SH3D19: variants seen among roughly 807,000 people sequenced by gnomAD.
The protein encoded by SH3D19 is SH3 domain containing 19.
Under a neutral mutation model 112.1 loss-of-function variants are expected in SH3D19, and 58 were observed. The observed-to-expected ratio is 0.52, with a 90% CI of 0.42 to 0.64. The LOEUF (loss-of-function observed/expected upper bound fraction) is 0.64, where lower values mean the gene tolerates loss of function less well. Among genes scored for constraint, SH3D19 ranks in the 30% least tolerant of loss-of-function variants. The pLI is 0.00. For synonymous variants in SH3D19, 391 were observed against 448.5 expected (o/e 0.87, Z 1.62); for missense variants, 1,090 against 1,263.4 (o/e 0.86, Z 2.08).
intron 1 of SH3D19, among the ~76,000 whole-genome samples, chr4:151,272,758 C>CTTTTCTTTTT (rs138426782): frequency 1.4e-5 from 2 of 147,054 alleles, no homozygotes; most frequent in African/African-American, 2.5e-5. Context: ...TCAGGTTTCA[C>CTTTTCTTTTT]TTTTCTTTTT....
At chr4:151,187,242 C>T (rs575407980) in intron 3 of SH3D19, among the ~76,000 whole-genome samples, 181 bp downstream of exon 3, 17 of 151,926 alleles carry the variant, frequency 1.1e-4, no homozygotes, top group African/African-American at 2.4e-4. Context: ...TCTGAGAAAC[C>T]GGCTTATCAA....
intron 16 of SH3D19, 146 bp downstream of exon 16, chr4:151,132,888 C>G: frequency 1.4e-6 from 1 of 737,168 alleles, no homozygotes. Context: ...TAATGTCTAT[C>G]CCACACAAAT....
Position 151,159,330 on chromosome 4 carries a change from A to T in SH3D19, c.1665T>A (p.Ser555Arg). ...PGKCLHEDPQSPPPLPAEKPI... is the reference protein window; with the variant it reads ...PGKCLHEDPQRPPPLPAEKPI... Reference sequence around the variant, plus strand: ...GTTTTTCAGCAGGGAGAGGAGGTGGACTTTGTGGATCCTCATGTAAACCTG... The same window carrying T: ...GTTTTTCAGCAGGGAGAGGAGGTGGTCTTTGTGGATCCTCATGTAAACCTG... Residue 555 changes from serine to arginine, a missense_variant, in exon 9 of 20, where the codon AGT (serine) becomes AGA (arginine). By Grantham distance (110) the Ser-to-Arg change is moderately radical. Transcript: ENST00000604030. 1 of 1,583,458 alleles carries T rather than the reference A, an allele frequency of 6.3e-7. No individual in the cohort carries two copies. The highest frequency in any genetic ancestry group is 1.9e-5 in the Admixed American group (1 of 53,716).
intron 13 of SH3D19, 118 bp downstream of exon 13, chr4:151,139,657 C>T (rs1752624854): frequency 8.6e-6 from 7 of 815,580 alleles, no homozygotes; most frequent in African/African-American, 1.7e-5. Context: ...TCTCCAGTCT[C>T]GGACTCTATA....
chr4:151,264,698 T>C (rs1375668554), intron 1 of SH3D19, among the ~76,000 whole-genome samples: 1 of 152,182 alleles, frequency 6.6e-6, no homozygotes, highest in African/African-American at 2.4e-5. Context: ...AGGTGTTTAC[T>C]AGAGATATTT....
At chr4:151,203,942 T>A (rs1764741474) in intron 2 of SH3D19, among the ~76,000 whole-genome samples, 2 of 152,054 alleles carry the variant, frequency 1.3e-5, no homozygotes, top group Admixed American at 1.3e-4. Flanking sequence ...TGGGGGAGGA[T>A]TTTTTTTAAA....
At chr4:151,133,715 T>A (rs1579674387) in intron 15 of SH3D19, among the ~76,000 whole-genome samples, 2 of 152,098 alleles carry the variant, frequency 1.3e-5, no homozygotes, top group East Asian at 3.9e-4. Flanking sequence ...AATTAATCAG[T>A]GAGCTGGCCT....
chr4:151,143,833 G>A (rs1490221609), intron 12 of SH3D19, 77 bp downstream of exon 12: 1 of 1,454,700 alleles, frequency 6.9e-7, no homozygotes, highest in African/African-American at 1.4e-5. Flanking sequence ...AAAACCTGAA[G>A]ATGAGATATA....
intron 1 of SH3D19, among the ~76,000 whole-genome samples, chr4:151,264,466 A>C (rs1301994886): frequency 1.3e-5 from 2 of 150,906 alleles, no homozygotes; most frequent in African/African-American, 4.9e-5. Context: ...AAAAACCCTA[A>C]CATCTCATTA....
At chr4:151,181,432 C>T (rs1240119029) in intron 3 of SH3D19, among the ~76,000 whole-genome samples, 5 of 152,134 alleles carry the variant, frequency 3.3e-5, no homozygotes, top group Non-Finnish European at 7.3e-5. Context: ...GAAACCAAAC[C>T]CCTGGGTTTC....
chr4:151,309,890 T>G (rs1385498374), intron 1 of SH3D19, among the ~76,000 whole-genome samples: 1 of 152,130 alleles, frequency 6.6e-6, no homozygotes, highest in African/African-American at 2.4e-5. Flanking sequence ...CCTGGAAGGC[T>G]GAGGTGGGAG....
In SH3D19 at chr4:151,132,927, C is replaced by T. The variant is rs1327374761; in HGVS notation, c.2689+107G>A. 4.2e-6 allele frequency: 4 copies of T among 950,492 alleles called. No homozygotes were observed. The South Asian group carries it at 5.4e-5, about 13-fold the overall frequency. 58.9% of individuals were successfully genotyped at this position (950,492 alleles called of 1,614,324 possible). On this transcript the variant is annotated intron_variant, in intron 16 of 19. Coordinates refer to ENST00000604030, the MANE Select transcript of SH3D19 (RefSeq NM_001378122.1). The stretch of plus-strand genomic sequence containing the variant: ...CATTTTAAAATCAGTTTTCCTTCTA[C>T]CGTAAAAATATGGCAATATGGATTA...
chr4:151,121,937 C>A lies in SH3D19; in HGVS notation c.*154G>T. ...TTGTAATGAAAATTAACTACAAAATCTGAACGTTTTCTGCTTTCAGAAAAT... is the reference window on the plus strand; with the variant it reads ...TTGTAATGAAAATTAACTACAAAATATGAACGTTTTCTGCTTTCAGAAAAT... On this transcript the variant is annotated 3_prime_UTR_variant, in exon 20 of 20. Coordinates refer to ENST00000604030, the MANE Select transcript of SH3D19 (RefSeq NM_001378122.1). 1 of 528,234 alleles carries A rather than the reference C, an allele frequency of 1.9e-6. No homozygotes were observed. The highest frequency in any genetic ancestry group is 3.3e-6 in the Non-Finnish European group (1 of 299,932). 32.7% of individuals were successfully genotyped at this position (528,234 alleles called of 1,614,324 possible).
chr4:151,279,954 C>A (rs754101728), intron 1 of SH3D19: 1 of 1,613,156 alleles, frequency 6.2e-7, no homozygotes, highest in East Asian at 2.2e-5. Flanking sequence ...ACACTGCATA[C>A]AACCGTGAGT....
chr4:151,169,939 C>T (rs570504409), intron 7 of SH3D19, among the ~76,000 whole-genome samples: 129 of 152,262 alleles, frequency 8.5e-4, no homozygotes, highest in Non-Finnish European at 1.5e-3. Context: ...AGGGGAAATA[C>T]TGAACCAGCT....
intron 2 of SH3D19, among the ~76,000 whole-genome samples, chr4:151,214,502 C>T: frequency 7.6e-6 from 1 of 131,562 alleles, no homozygotes; most frequent in African/African-American, 2.7e-5. Context: ...GCTGGCCGGG[C>T]AGAGGGGCTC....
intron 1 of SH3D19, among the ~76,000 whole-genome samples, chr4:151,248,204 C>A (rs1380104057): frequency 6.6e-6 from 1 of 152,048 alleles, no homozygotes; most frequent in Non-Finnish European, 1.5e-5. Context: ...CCTTAAGCAA[C>A]CCTCCTGCCT....
At chr4:151,287,103 G>A (rs1245964838) in intron 1 of SH3D19, among the ~76,000 whole-genome samples, 6 of 151,728 alleles carry the variant, frequency 4.0e-5, no homozygotes, top group Admixed American at 2.6e-4. Flanking sequence ...CACTTTGGGA[G>A]GCCGAGGCAG....
At chr4:151,126,627 C>G (rs1174465045) in intron 19 of SH3D19, among the ~76,000 whole-genome samples, 1 of 151,358 alleles carries the variant, frequency 6.6e-6, no homozygotes, top group African/African-American at 2.4e-5. Flanking sequence ...AACCTCGTCT[C>G]TACTAAAAAA....
Sources: allele counts gnomAD v4.1 joint callset (sites outside exome capture counted in the v4.1 genomes callset), GRCh38; gene constraint gnomAD v4.1.1; transcripts MANE v1.5; gene names NCBI Gene and HGNC (gene_info 2026-07-23, HGNC 2026-07-21).